Variants in SLC18A1 observed in about 807,000 individuals in gnomAD.
The protein encoded by SLC18A1 is solute carrier family 18 member A1.
SLC18A1 carries 69 observed loss-of-function variants against 53.7 expected under a neutral mutation model. The ratio of observed to expected loss-of-function variants is 1.28; its 90% CI spans 1.06 to 1.57. The LOEUF (loss-of-function observed/expected upper bound fraction) is 1.57, where lower values mean the gene tolerates loss of function less well. Among genes scored for constraint, SLC18A1 ranks in the 40% most tolerant of loss-of-function variants. The pLI is 0.00. For missense variants in SLC18A1, 932 were observed against 668.1 expected (o/e 1.40, Z -4.35); for synonymous variants, 320 against 248.1 (o/e 1.29, Z -2.72).
chr8:20,174,704 A>G (rs1446688441), intron 4 of SLC18A1, among the ~76,000 whole-genome samples: 2 of 152,210 alleles, frequency 1.3e-5, no homozygotes, highest in East Asian at 3.8e-4. Flanking sequence ...CTGAGTCTGT[A>G]CATCTCTTGC....
intron 3 of SLC18A1, among the ~76,000 whole-genome samples, chr8:20,178,745 T>C (rs1007226533): frequency 6.6e-6 from 1 of 152,044 alleles, no homozygotes; most frequent in East Asian, 1.9e-4. Flanking sequence ...GGAGTGTATA[T>C]CTCTTGAAAA....
chr8:20,180,531 G>A (rs187002523), intron 2 of SLC18A1, among the ~76,000 whole-genome samples: 2 of 152,272 alleles, frequency 1.3e-5, no homozygotes, highest in Admixed American at 1.3e-4. Flanking sequence ...GGAGTCATTA[G>A]CACCTTGAGA....
chr8:20,149,225 T>A (rs1319365827), intron 12 of SLC18A1, among the ~76,000 whole-genome samples: 5 of 152,158 alleles, frequency 3.3e-5, no homozygotes, highest in Non-Finnish European at 7.4e-5. Context: ...AAGCCTCTGG[T>A]GCCAGAGACT....
intron 4 of SLC18A1, among the ~76,000 whole-genome samples, chr8:20,176,970 T>C (rs1028843607): frequency 1.1e-4 from 16 of 152,220 alleles, no homozygotes; most frequent in Non-Finnish European, 2.2e-4. Context: ...AACCATCATA[T>C]ACACTTCTGA....
chr8:20,159,658 A>AG (rs2071773076), intron 10 of SLC18A1, among the ~76,000 whole-genome samples: 1 of 146,716 alleles, frequency 6.8e-6, no homozygotes, highest in Admixed American at 6.7e-5. Context: ...AAAAAAAAAA[A>AG]AAAAAGAAAG....
At position 20,154,871 on chromosome 8, in the gene SLC18A1, C is replaced by G. The variant is rs991691311; in HGVS notation, c.1016-4127G>C. Among the ~76,000 whole-genome samples, 3 of 152,210 alleles carry G rather than the reference C, an allele frequency of 2.0e-5. No homozygotes were observed. The South Asian group carries it at 6.2e-4, about 31-fold the overall frequency. ...GCTGAGCGCTGCCATCACAGACCCA[C>G]CATTGACTTCCACCCCTCCAGATCT... On this transcript the variant is annotated intron_variant, in intron 10 of 15. Transcript: ENST00000276373.
chr8:20,179,920 A>G (rs1180021198), intron 2 of SLC18A1, among the ~76,000 whole-genome samples: 1 of 152,088 alleles, frequency 6.6e-6, no homozygotes, highest in Non-Finnish European at 1.5e-5. Context: ...ACAGGAGGGG[A>G]TGGGAGGAGG....
At chr8:20,174,666 A>G (rs2072212641) in intron 4 of SLC18A1, among the ~76,000 whole-genome samples, 1 of 152,134 alleles carries the variant, frequency 6.6e-6, no homozygotes, top group Admixed American at 6.5e-5. Flanking sequence ...AGAAGTATAA[A>G]CCGAGTCACC....
intron 10 of SLC18A1, among the ~76,000 whole-genome samples, chr8:20,161,921 A>T (rs2071840016): frequency 6.6e-6 from 1 of 152,158 alleles, no homozygotes; most frequent in Non-Finnish European, 1.5e-5. Context: ...TGGTGCCCCT[A>T]CAGTTCCGTG....
Position 20,180,988 on chromosome 8 carries a change from C to A in SLC18A1, c.-24G>T. 1.3e-6 allele frequency: 2 copies of A among 1,556,608 alleles called. No individual in the cohort carries two copies. The highest frequency in any genetic ancestry group is 1.9e-5 in the Admixed American group (1 of 51,518). On this transcript the variant is annotated 5_prime_UTR_variant, in exon 2 of 16. Transcript: ENST00000276373. The stretch of plus-strand genomic sequence containing the variant: ...ATGGTGATGGCCGGACTGGGGCAGT[C>A]TTCCCCTGCGGGCTCTTAGGGAAGG...
intron 12 of SLC18A1, among the ~76,000 whole-genome samples, chr8:20,149,391 C>T (rs572618388): frequency 2.0e-5 from 3 of 152,116 alleles, no homozygotes; most frequent in African/African-American, 4.8e-5. Context: ...ACCTCCGGCT[C>T]CAGCTGCCCT....
intron 10 of SLC18A1, among the ~76,000 whole-genome samples, chr8:20,153,538 C>T (rs2071612098): frequency 6.6e-6 from 1 of 152,140 alleles, no homozygotes; most frequent in South Asian, 2.1e-4. Context: ...ATTAGCTGGG[C>T]ATGGTGGCAG....
intron 1 of SLC18A1, among the ~76,000 whole-genome samples, chr8:20,182,230 A>G (rs1207150230): frequency 2.0e-5 from 3 of 152,216 alleles, no homozygotes; most frequent in Admixed American, 6.5e-5. Flanking sequence ...AAAAGAAAAA[A>G]GGTCAGAGAT....
intron 4 of SLC18A1, chr8:20,175,675 A>G (rs192460165): frequency 2.0e-4 from 31 of 152,312 alleles, no homozygotes; most frequent in Admixed American, 4.6e-4. Context: ...CTCACCTCCA[A>G]TTCCAGAAAA....
chr8:20,172,196 G>A (rs1186507642), intron 6 of SLC18A1, among the ~76,000 whole-genome samples: 1 of 152,200 alleles, frequency 6.6e-6, no homozygotes, highest in East Asian at 1.9e-4. Flanking sequence ...GGCTGTTGAG[G>A]ATCTAACAAG....
At chr8:20,146,041 G>C (rs1359586342) in intron 15 of SLC18A1, among the ~76,000 whole-genome samples, 165 bp from the exon 16 acceptor site, 1 of 151,832 alleles carries the variant, frequency 6.6e-6, no homozygotes, top group African/African-American at 2.4e-5. Context: ...TCAGCCTCCA[G>C]AGTAGCTGGA....
At chr8:20,150,829 C>A in intron 10 of SLC18A1, 85 bp from the exon 11 acceptor site, 1 of 1,212,720 alleles carries the variant, frequency 8.2e-7, no homozygotes, top group Non-Finnish European at 1.2e-6. Context: ...TGAAGTCCAC[C>A]CCTGTAACCT....
intron 10 of SLC18A1, among the ~76,000 whole-genome samples, chr8:20,163,326 C>G (rs1330436241): frequency 6.6e-6 from 1 of 152,162 alleles, no homozygotes; most frequent in East Asian, 1.9e-4. Context: ...GACTGTTGCA[C>G]TGGGGATTCA....
intron 10 of SLC18A1, among the ~76,000 whole-genome samples, chr8:20,153,952 G>C (rs902964131): frequency 6.6e-6 from 1 of 152,148 alleles, no homozygotes; most frequent in South Asian, 2.1e-4. Flanking sequence ...GGAGGTGTTT[G>C]GGTCATGGGA....
Sources: gnomAD v4.1 joint callset for allele counts (sites outside exome capture counted in the v4.1 genomes callset) on GRCh38, gnomAD v4.1.1 for gene constraint, MANE v1.5 for transcripts, NCBI Gene and HGNC (gene_info 2026-07-23, HGNC 2026-07-21) for gene names.